The following NREP variants were observed in gnomAD, a reference collection of about 807,000 sequenced individuals.
The protein encoded by NREP is neuronal regeneration-related protein.
A neutral mutation model predicts 8.6 loss-of-function variants in NREP; 5 were observed. That is an observed-to-expected ratio of 0.58 (90% CI 0.30 to 1.22). NREP has a LOEUF of 1.22. Ranked by LOEUF, NREP falls within the 50% of genes most tolerant of loss-of-function variation. NREP has a pLI of 0.07. For missense variants in NREP, 86 were observed against 82.5 expected (o/e 1.04, Z -0.17); for synonymous variants, 27 against 28.0 (o/e 0.96, Z 0.11).
At chr5:111,846,428 T>TTTTTTTTTTTTTTTTTTG (rs1753174901) in intron 2 of NREP, 1 of 99,272 alleles carries the variant, frequency 1.0e-5, no homozygotes, top group Non-Finnish European at 2.1e-5. Context: ...TGCTTTTTTT[T>TTTTTTTTTTTTTTTTTTG]TTTTTTTTTT....
chr5:111,784,065 T>C (rs2112886265), intron 2 of NREP, among the ~76,000 whole-genome samples: 1 of 151,970 alleles, frequency 6.6e-6, no homozygotes, highest in African/African-American at 2.4e-5. Flanking sequence ...GTAGAGGGGG[T>C]GGACAGTTCA....
At chr5:111,930,894 G>C (rs950260710) in intron 2 of NREP, among the ~76,000 whole-genome samples, 8 of 152,096 alleles carry the variant, frequency 5.3e-5, no homozygotes, top group African/African-American at 1.9e-4. Flanking sequence ...CAAAAATAAT[G>C]TCACAATGAA....
chr5:111,813,933 C>A (rs1752325161), intron 2 of NREP, among the ~76,000 whole-genome samples: 1 of 152,044 alleles, frequency 6.6e-6, no homozygotes, highest in South Asian at 2.1e-4. Flanking sequence ...TGTGCATACC[C>A]TTAAATAATT....
chr5:111,796,656 G>C (rs1751878922), intron 2 of NREP, among the ~76,000 whole-genome samples: 1 of 149,540 alleles, frequency 6.7e-6, no homozygotes, highest in South Asian at 2.1e-4. Context: ...TCATAGTCTA[G>C]CTCAGTGAAT....
intron 2 of NREP, among the ~76,000 whole-genome samples, chr5:111,891,301 CT>C (rs1478738350): frequency 6.6e-6 from 1 of 152,218 alleles, no homozygotes; most frequent in East Asian, 1.9e-4. Flanking sequence ...AAATAAGTTT[CT>C]GATTTCCATC....
intron 2 of NREP, among the ~76,000 whole-genome samples, chr5:111,782,635 T>C (rs1264193175): frequency 1.3e-5 from 2 of 152,054 alleles, no homozygotes; most frequent in East Asian, 3.9e-4. Context: ...AATATTTTGA[T>C]GAGTAAAACA....
At chr5:111,914,694 A>C (rs1242584305) in intron 2 of NREP, among the ~76,000 whole-genome samples, 1 of 151,968 alleles carries the variant, frequency 6.6e-6, no homozygotes, top group Non-Finnish European at 1.5e-5. Context: ...TTACTGAGAG[A>C]TCCTTTGTCT....
intron 2 of NREP, among the ~76,000 whole-genome samples, chr5:111,908,105 T>G (rs757149002): frequency 6.6e-6 from 1 of 152,072 alleles, no homozygotes; most frequent in Non-Finnish European, 1.5e-5. Flanking sequence ...TAAGCTTCCA[T>G]GGAAAACTTC....
chr5:111,828,177 T>A (rs1488160234), intron 2 of NREP, among the ~76,000 whole-genome samples: 1 of 152,118 alleles, frequency 6.6e-6, no homozygotes, highest in African/African-American at 2.4e-5. Flanking sequence ...ATTACAGGCA[T>A]GTGCCATCAT....
intron 2 of NREP, among the ~76,000 whole-genome samples, chr5:111,779,549 G>A (rs1751443730): frequency 6.6e-6 from 1 of 152,170 alleles, no homozygotes; most frequent in African/African-American, 2.4e-5. Flanking sequence ...ATGAGAACCA[G>A]GAGGAGAGGC....
chr5:111,962,227 T>A (rs1756499885), intron 2 of NREP, among the ~76,000 whole-genome samples: 1 of 152,206 alleles, frequency 6.6e-6, no homozygotes, highest in Non-Finnish European at 1.5e-5. Context: ...TTATTTTGCC[T>A]GAGAAAATGC....
At chr5:111,769,931 C>T (rs1751178234) in intron 2 of NREP, among the ~76,000 whole-genome samples, 1 of 152,160 alleles carries the variant, frequency 6.6e-6, no homozygotes, top group Admixed American at 6.6e-5. Context: ...AAACGCCAAA[C>T]CATATCAGTG....
At chr5:111,953,693 G>C (rs1279802783) in intron 2 of NREP, among the ~76,000 whole-genome samples, 4 of 152,062 alleles carry the variant, frequency 2.6e-5, no homozygotes, top group African/African-American at 9.7e-5. Context: ...TGTCCAGGAA[G>C]AATAGAACAG....
intron 2 of NREP, among the ~76,000 whole-genome samples, chr5:111,736,033 G>A (rs1749080748): frequency 1.3e-5 from 2 of 152,176 alleles, no homozygotes; most frequent in South Asian, 4.1e-4. Context: ...AGGGAGGGGC[G>A]GGAGATAGGT....
Position 111,955,095 on chromosome 5 carries a change from T to C in NREP, c.135+20179A>G, listed in dbSNP as rs115984401. Among the ~76,000 whole-genome samples the C allele has an allele frequency of 9.1e-3, 1,387 of 152,310 alleles. 24 individuals are homozygous for C. The highest frequency in any genetic ancestry group is 0.032 in the African/African-American group (1,317 of 41,574). ...AAGAACGTGTCTCCATTCGTTGATA[T>C]TCTCTTCTACTATCAGACTTAAGCT... On this transcript the variant is annotated intron_variant, in intron 2 of 3. Transcript: ENST00000395634.
intron 2 of NREP, among the ~76,000 whole-genome samples, chr5:111,771,910 G>C (rs1028956699): frequency 2.6e-5 from 4 of 152,030 alleles, no homozygotes; most frequent in Admixed American, 6.6e-5. Flanking sequence ...TTTAGCTAGA[G>C]AACTGAAGCA....
chr5:111,872,094 G>C (rs919651235), intron 2 of NREP, among the ~76,000 whole-genome samples: 2 of 151,628 alleles, frequency 1.3e-5, no homozygotes. Flanking sequence ...TTGAGACAGA[G>C]AGAGATTTAT....
chr5:111,865,196 G>C (rs1753637935), intron 2 of NREP, among the ~76,000 whole-genome samples: 1 of 152,108 alleles, frequency 6.6e-6, no homozygotes, highest in South Asian at 2.1e-4. Context: ...AAGATGCAGA[G>C]AGGTGGATGC....
At chr5:111,892,566 G>A (rs1754419732) in intron 2 of NREP, among the ~76,000 whole-genome samples, 1 of 151,958 alleles carries the variant, frequency 6.6e-6, no homozygotes, top group South Asian at 2.1e-4. Context: ...AGAAATAAAG[G>A]GACATTATGA....
Sources: gnomAD v4.1 joint callset for allele counts (sites outside exome capture counted in the v4.1 genomes callset) on GRCh38, gnomAD v4.1.1 for gene constraint, MANE v1.5 for transcripts, NCBI Gene and HGNC (gene_info 2026-07-23, HGNC 2026-07-21) for gene names.